Variants in PLCG2 observed in about 807,000 individuals in gnomAD.
PLCG2 encodes the protein 1-phosphatidylinositol 4,5-bisphosphate phosphodiesterase gamma-2.
Under a neutral mutation model 175.6 loss-of-function variants are expected in PLCG2, and 69 were observed. That is an observed-to-expected ratio of 0.39 (90% CI 0.32 to 0.48). PLCG2 has a LOEUF of 0.48. Ranked by LOEUF, PLCG2 falls within the 20% of genes least tolerant of loss-of-function variation. PLCG2 has a pLI of 0.91. For synonymous variants in PLCG2, 827 were observed against 624.0 expected (o/e 1.33, Z -4.85); for missense variants, 1,798 against 1,650.9 (o/e 1.09, Z -1.54).
At chr16:81,934,090 G>T (rs1178948190) in intron 25 of PLCG2, among the ~76,000 whole-genome samples, 1 of 152,180 alleles carries the variant, frequency 6.6e-6, no homozygotes, top group African/African-American at 2.4e-5. Flanking sequence ...CACTCTAACA[G>T]TGTGGCTTTA....
intron 2 of PLCG2, among the ~76,000 whole-genome samples, chr16:81,810,145 C>G (rs1904305016): frequency 6.6e-6 from 1 of 152,182 alleles, no homozygotes; most frequent in African/African-American, 2.4e-5. Context: ...GCACTCACCA[C>G]CACGCCCAGC....
At chr16:81,810,072 A>G (rs191898219) in intron 2 of PLCG2, among the ~76,000 whole-genome samples, 3 of 151,152 alleles carry the variant, frequency 2.0e-5, no homozygotes, top group Non-Finnish European at 4.4e-5. Flanking sequence ...GCTCACTGCA[A>G]CCTCCTCCTC....
chr16:81,884,569 G>C (rs571736010), intron 9 of PLCG2, among the ~76,000 whole-genome samples: 1 of 151,676 alleles, frequency 6.6e-6, no homozygotes, highest in African/African-American at 2.4e-5. Context: ...CTACCTCTGA[G>C]AATTGTGGGG....
At position 81,954,223 on chromosome 16, in the gene PLCG2, A is replaced by G. The variant is rs369106789; in HGVS notation, c.3571-2472A>G. Among the ~76,000 whole-genome samples the G allele has an allele frequency of 5.3e-5, 8 of 152,066 alleles. No homozygotes were observed. In the South Asian group the frequency reaches 1.0e-3, roughly 20 times the overall value. ...TTTTTTATAGTAACAGGGTCCCGCTATGTTGCCCAGGCTGGTCTTGAACTC... is the reference window on the plus strand; with the variant it reads ...TTTTTTATAGTAACAGGGTCCCGCTGTGTTGCCCAGGCTGGTCTTGAACTC... On this transcript the variant is annotated intron_variant, in intron 31 of 32. Coordinates refer to ENST00000564138, the MANE Select transcript of PLCG2 (RefSeq NM_002661.5).
intron 22 of PLCG2, among the ~76,000 whole-genome samples, chr16:81,924,012 G>A (rs1910162605): frequency 6.6e-6 from 1 of 152,170 alleles, no homozygotes; most frequent in South Asian, 2.1e-4. Context: ...AATAGTGCAG[G>A]CGCTTTCCAA....
intron 5 of PLCG2, among the ~76,000 whole-genome samples, chr16:81,864,559 C>G (rs1907135890): frequency 6.6e-6 from 1 of 152,174 alleles, no homozygotes; most frequent in South Asian, 2.1e-4. Context: ...CCTCAGTTTC[C>G]TCATGTGTAA....
chr16:81,763,087 A>G (rs1454828945), intron 2 of PLCG2, among the ~76,000 whole-genome samples: 2 of 152,200 alleles, frequency 1.3e-5, no homozygotes, highest in Non-Finnish European at 2.9e-5. Flanking sequence ...AAAAAATAAG[A>G]TAAAATACAA....
At position 81,905,474 on chromosome 16, in the gene PLCG2, G is replaced by C; in HGVS notation, c.1434G>C (p.Gln478His). ...ACAAGAAGGACGAACACAAGCAACA[G>C]GGGGAGCTGTACATGTGGGATTCCA... The part of the protein sequence containing the change: ...MEDKKDEHKQ[Q>H]GELYMWDSID... Residue 478 changes from glutamine to histidine, a missense_variant, in exon 15 of 33, where the codon CAG (glutamine) becomes CAC (histidine). Gln to His is a conservative substitution (Grantham distance 24). Coordinates refer to ENST00000564138, the MANE Select transcript of PLCG2 (RefSeq NM_002661.5). The C allele has an allele frequency of 6.2e-7, 1 of 1,614,068 alleles. No homozygotes were observed.
At chr16:81,816,483 A>ATTT (rs35287968) in intron 2 of PLCG2, among the ~76,000 whole-genome samples, 1 of 147,172 alleles carries the variant, frequency 6.8e-6, no homozygotes, top group African/African-American at 2.5e-5. Flanking sequence ...CCTCATTATA[A>ATTT]TTTTTTTTTT....
intron 31 of PLCG2, among the ~76,000 whole-genome samples, chr16:81,951,006 G>A (rs1158081723): frequency 6.6e-6 from 1 of 151,566 alleles, no homozygotes; most frequent in Non-Finnish European, 1.5e-5. Flanking sequence ...ATTTTGTTTT[G>A]AGACAGTGTT....
intron 5 of PLCG2, among the ~76,000 whole-genome samples, chr16:81,861,636 C>G (rs1355639807): frequency 6.6e-6 from 1 of 152,186 alleles, no homozygotes; most frequent in Non-Finnish European, 1.5e-5. Context: ...TTGGTACACA[C>G]TGGTCTCTTT....
chr16:81,880,883 T>G (rs759559020), intron 7 of PLCG2, 27 bp from the exon 8 acceptor site: 2 of 1,612,504 alleles, frequency 1.2e-6, no homozygotes, highest in Non-Finnish European at 8.5e-7. Flanking sequence ...CTAAGGTTCT[T>G]TTTTTTGTGT....
intron 2 of PLCG2, among the ~76,000 whole-genome samples, chr16:81,769,279 T>C (rs924826009): frequency 6.6e-6 from 1 of 152,224 alleles, no homozygotes; most frequent in African/African-American, 2.4e-5. Flanking sequence ...CCAGACTGCT[T>C]CTACCTCTGA....
Position 81,889,227 on chromosome 16 carries a change from A to C in PLCG2, c.821A>C (p.Asp274Ala). 1 of 1,607,242 alleles carries C rather than the reference A, an allele frequency of 6.2e-7. No homozygotes were observed. ...CGTGAGCGGATGACAAAGTTCATTG[A>C]TGACACCATGCGTGAAACTGCTGAG... Reference protein sequence around the residue: ...KVRERMTKFIDDTMRETAEPF... With the variant: ...KVRERMTKFIADTMRETAEPF... The change falls in exon 10 of 33, where the codon GAT becomes GCT. Residue 274 changes from aspartate to alanine, a missense_variant. Physicochemically the swap from Asp to Ala is moderately radical, Grantham distance 126 (BLOSUM62 -2). Coordinates refer to ENST00000564138, the MANE Select transcript of PLCG2 (RefSeq NM_002661.5).
At chr16:81,913,963 C>G (rs898560222) in intron 19 of PLCG2, among the ~76,000 whole-genome samples, 25 of 152,372 alleles carry the variant, frequency 1.6e-4, no homozygotes, top group East Asian at 5.8e-4. Context: ...AGCCTCCCAC[C>G]AGCATGGCTT....
At chr16:81,761,975 G>A (rs1436038069) in intron 2 of PLCG2, among the ~76,000 whole-genome samples, 4 of 151,736 alleles carry the variant, frequency 2.6e-5, no homozygotes, top group Non-Finnish European at 5.9e-5. Context: ...GGGACTACAG[G>A]CATGCACCAC....
chr16:81,865,129 C>T (rs1334554023), intron 5 of PLCG2, among the ~76,000 whole-genome samples: 2 of 152,140 alleles, frequency 1.3e-5, no homozygotes, highest in Non-Finnish European at 2.9e-5. Flanking sequence ...CTGAGCATGG[C>T]CTGTGGAGCT....
chr16:81,839,492 T>C (rs1905708311), intron 2 of PLCG2, among the ~76,000 whole-genome samples: 1 of 152,220 alleles, frequency 6.6e-6, no homozygotes, highest in African/African-American at 2.4e-5. Flanking sequence ...GAGCCCTTCC[T>C]TTATTGCCTT....
At chr16:81,945,764 C>T (rs999923459) in intron 30 of PLCG2, among the ~76,000 whole-genome samples, 1 of 152,124 alleles carries the variant, frequency 6.6e-6, no homozygotes, top group African/African-American at 2.4e-5. Context: ...AAAGATAAAA[C>T]ACACTCCCTG....
Sources: gnomAD v4.1 joint callset for allele counts (sites outside exome capture counted in the v4.1 genomes callset) on GRCh38, gnomAD v4.1.1 for gene constraint, MANE v1.5 for transcripts, NCBI Gene and HGNC (gene_info 2026-07-23, HGNC 2026-07-21) for gene names.